RNF216: variants seen among roughly 807,000 people sequenced by gnomAD.
RNF216 encodes the protein ring finger protein 216, also known as E3 ubiquitin-protein ligase RNF216.
Under a neutral mutation model 110.8 loss-of-function variants are expected in RNF216, and 72 were observed. That is an observed-to-expected ratio of 0.65 (90% CI 0.54 to 0.79). The LOEUF (loss-of-function observed/expected upper bound fraction) is 0.79. Among genes scored for constraint, RNF216 ranks in the 30% least tolerant of loss-of-function variants. The probability of loss-of-function intolerance (pLI) is 0.00; values close to 1 mark genes in which losing one functional copy is unlikely to be tolerated. For missense variants in RNF216, 1,342 were observed against 1,141.2 expected (o/e 1.18, Z -2.54); for synonymous variants, 495 against 407.5 (o/e 1.21, Z -2.59).
At chr7:5,708,252 T>C (rs1259212183) in intron 13 of RNF216, among the ~76,000 whole-genome samples, 1 of 152,210 alleles carries the variant, frequency 6.6e-6, no homozygotes, top group Non-Finnish European at 1.5e-5. Context: ...GTCTGTTAGG[T>C]CTATAGTGTT....
intron 1 of RNF216, chr7:5,780,180 C>T (rs1797003062): frequency 6.6e-6 from 1 of 152,168 alleles, no homozygotes; most frequent in Non-Finnish European, 1.5e-5. Flanking sequence ...TTTTAGCATT[C>T]CTGGCAATTC....
chr7:5,683,896 C>A (rs1462759831), intron 13 of RNF216, among the ~76,000 whole-genome samples: 1 of 152,056 alleles, frequency 6.6e-6, no homozygotes, highest in Admixed American at 6.6e-5. Flanking sequence ...CATGAATTCT[C>A]CAGCCTGCAC....
In RNF216 at chr7:5,730,713, G is replaced by A. The variant is rs374351343; in HGVS notation, c.1224+2C>T. ...ACTGCAAAACATGAACATGACACTT[G>A]CCTTTGTCTCATCTTGGCTGGCCAG... On this transcript the variant is annotated splice_donor_variant, in intron 6 of 16. Transcript: ENST00000389902. LOFTEE classifies it low-confidence loss of function (GC_TO_GT_DONOR). 263 of 1,601,262 alleles carry A rather than the reference G, an allele frequency of 1.6e-4. No homozygotes were observed. Among genetic ancestry groups the A allele is most frequent in the Non-Finnish European group, 2.0e-4 (238 of 1,172,834 alleles).
At chr7:5,686,797 G>A (rs886881558) in intron 13 of RNF216, among the ~76,000 whole-genome samples, 13 of 152,218 alleles carry the variant, frequency 8.5e-5, no homozygotes, top group African/African-American at 2.4e-4. Flanking sequence ...CGGACAGGGC[G>A]TGGAGAGATG....
intron 6 of RNF216, 111 bp from the exon 7 acceptor site, chr7:5,729,707 C>G (rs1793975676): frequency 1.0e-6 from 1 of 976,056 alleles, no homozygotes; most frequent in Admixed American, 2.6e-5. Flanking sequence ...GTTCTAATTA[C>G]TCTATAAGGA....
At chr7:5,675,829 C>T (rs575577334) in intron 13 of RNF216, among the ~76,000 whole-genome samples, 11 of 151,744 alleles carry the variant, frequency 7.2e-5, no homozygotes, top group African/African-American at 2.7e-4. Flanking sequence ...CCTGCCTCAG[C>T]CTCCTGAGTA....
intron 3 of RNF216, among the ~76,000 whole-genome samples, chr7:5,742,256 A>G (rs1162381443): frequency 6.6e-6 from 1 of 152,090 alleles, no homozygotes; most frequent in African/African-American, 2.4e-5. Flanking sequence ...CATGTTGGCC[A>G]CGCTCGTCTC....
chr7:5,647,441 C>T (rs2128572658), intron 14 of RNF216, among the ~76,000 whole-genome samples: 1 of 150,052 alleles, frequency 6.7e-6, no homozygotes, highest in East Asian at 2.0e-4. Context: ...TCAAGGGATC[C>T]TCCTGCCTCA....
At chr7:5,654,248 C>T (rs952808519) in intron 13 of RNF216, among the ~76,000 whole-genome samples, 10 of 151,960 alleles carry the variant, frequency 6.6e-5, no homozygotes, top group Non-Finnish European at 1.2e-4. Flanking sequence ...GATGAGTCGC[C>T]GTGCCTGGCC....
In RNF216 at chr7:5,685,634, A is replaced by C. The variant is rs575905594; in HGVS notation, c.2061+26127T>G. Among the ~76,000 whole-genome samples the C allele has an allele frequency of 2.1e-4, 32 of 152,352 alleles. 1 individual carries two copies. Among genetic ancestry groups the C allele is most frequent in the African/African-American group, 6.5e-4 (27 of 41,580 alleles). ...GAGAGGGGAGGGGGCATAGTGGAAA[A>C]GGAAGTAAAACACCAGAAGCCAACC... is the stretch of plus-strand genomic sequence containing the variant. On this transcript the variant is annotated intron_variant, in intron 13 of 16. Coordinates refer to ENST00000389902, the MANE Select transcript of RNF216 (RefSeq NM_207111.4).
At chr7:5,693,591 C>T (rs1024176008) in intron 13 of RNF216, among the ~76,000 whole-genome samples, 1 of 152,202 alleles carries the variant, frequency 6.6e-6, no homozygotes, top group Admixed American at 6.5e-5. Context: ...GAGGGAACTT[C>T]AGAGCAAGCT....
intron 13 of RNF216, among the ~76,000 whole-genome samples, chr7:5,703,470 T>C (rs1158803311): frequency 6.6e-6 from 1 of 152,212 alleles, no homozygotes; most frequent in East Asian, 1.9e-4. Context: ...GCAGCTACTG[T>C]AGGAGGCTGC....
intron 13 of RNF216, among the ~76,000 whole-genome samples, chr7:5,665,767 C>A (rs1281721556): frequency 2.0e-5 from 3 of 152,130 alleles, no homozygotes; most frequent in Non-Finnish European, 4.4e-5. Flanking sequence ...CCCTTAGTTA[C>A]TCAAATACAG....
Position 5,624,273 on chromosome 7 carries a change from T to G in RNF216, c.2383-148A>C. 1.5e-6 allele frequency: 1 copy of G among 646,682 alleles called. No homozygotes were observed. Among genetic ancestry groups the G allele is most frequent in the South Asian group, 1.9e-5 (1 of 52,336 alleles). The allele number at this position is 646,682 out of a possible 1,614,324, so 40.1% of individuals were successfully genotyped here. The stretch of plus-strand genomic sequence containing the variant: ...CAGTGGGGCCTGGGCTGCACACCGT[T>G]CCTTCCTATTTCCCCGAAGGCCTCC... On this transcript the variant is annotated intron_variant, in intron 15 of 16. Coordinates refer to ENST00000389902, the MANE Select transcript of RNF216 (RefSeq NM_207111.4). The surrounding 1 kb of genome is among the most constrained non-coding windows in gnomAD (Gnocchi z 4.4).
chr7:5,776,706 C>G (rs962734222), intron 1 of RNF216, among the ~76,000 whole-genome samples: 1 of 150,970 alleles, frequency 6.6e-6, no homozygotes. Context: ...TGGGTTTATC[C>G]TTTAAAAGCA....
intron 12 of RNF216, 34 bp from the exon 13 acceptor site, chr7:5,711,873 A>C: frequency 6.3e-7 from 1 of 1,590,856 alleles, no homozygotes; most frequent in East Asian, 2.2e-5. Flanking sequence ...ACATTACTTC[A>C]AACATTAAAG....
chr7:5,711,962 T>C, intron 12 of RNF216, 123 bp from the exon 13 acceptor site: 1 of 721,976 alleles, frequency 1.4e-6, no homozygotes, highest in South Asian at 1.8e-5. Flanking sequence ...CCCTTTATAC[T>C]CCTTAGTTTT....
Position 5,623,080 on chromosome 7 carries a change from T to A in RNF216, c.2552A>T (p.Gln851Leu). The change falls in exon 17 of 17, where the codon CAG (glutamine) becomes CTG (leucine). Residue 851 changes from glutamine (Q) to leucine (L), a missense_variant. Coordinates refer to ENST00000389902, the MANE Select transcript of RNF216 (RefSeq NM_207111.4). ...LPRPVPQNLP[Q>L]PQMPPYAFAH... is the part of the protein sequence containing the mutation. ...GAAGGCATAGGGTGGCATCTGTGGC[T>A]GTGGCAGGTTCTGCGGAACGGGCCT... is the stretch of plus-strand genomic sequence containing the variant. The A allele has an allele frequency of 3.1e-6, 5 of 1,612,550 alleles. No individual in the cohort carries two copies. The highest frequency in any genetic ancestry group is 4.2e-6 in the Non-Finnish European group (5 of 1,178,712).
intron 14 of RNF216, among the ~76,000 whole-genome samples, chr7:5,646,790 A>G (rs1423450709): frequency 6.7e-6 from 1 of 149,864 alleles, no homozygotes; most frequent in Non-Finnish European, 1.5e-5. Flanking sequence ...AATGCCAGGA[A>G]AAAAAAAAAA....
Sources: allele counts gnomAD v4.1 joint callset (sites outside exome capture counted in the v4.1 genomes callset), GRCh38; gene constraint gnomAD v4.1.1; non-coding constraint Gnocchi (gnomAD v3.1); transcripts MANE v1.5; gene names NCBI Gene and HGNC (gene_info 2026-07-23, HGNC 2026-07-21).